Variants in GATA3 observed in about 807,000 individuals in gnomAD.
The protein encoded by GATA3 is GATA binding protein 3.
In GATA3, 6 loss-of-function variants were observed where a neutral mutation model predicts 36.0. The ratio of observed to expected loss-of-function variants is 0.17; its 90% confidence interval spans 0.09 to 0.33. GATA3 has a LOEUF of 0.33. Ranked by LOEUF, GATA3 falls within the 10% of genes least tolerant of loss-of-function variation. GATA3 has a pLI of 1.00. For synonymous variants in GATA3, 326 were observed against 273.0 expected, an observed-to-expected ratio of 1.19 and a Z score of -1.92; for missense variants, 514 against 610.1, an observed-to-expected ratio of 0.84 and a Z score of 1.66.
At chr10:8,067,757 G>A (rs1832868965) in intron 4 of GATA3, among the ~76,000 whole-genome samples, 1 of 152,244 alleles carries the variant, frequency 6.6e-6, no homozygotes, top group Admixed American at 6.5e-5. Flanking sequence ...GGCGGAGCTT[G>A]CAGTGAGCCG....
intron 2 of GATA3, 76 bp from the exon 3 acceptor site, chr10:8,058,229 C>T (rs1832676072): frequency 1.1e-5 from 17 of 1,506,658 alleles, no homozygotes; most frequent in Non-Finnish European, 1.6e-5. Flanking sequence ...TAGAGATTCC[C>T]CAGGTGTCCC....
At chr10:8,064,194 C>G in intron 4 of GATA3, 56 bp downstream of exon 4, 1 of 1,609,328 alleles carries the variant, frequency 6.2e-7, no homozygotes, top group Non-Finnish European at 8.5e-7. Context: ...TTCTCATTTC[C>G]TCTCTTCCGG....
At position 8,055,923 on chromosome 10, in the gene GATA3, C is replaced by G. The variant is rs1316709967; in HGVS notation, c.241+27C>G. On this transcript the variant is annotated intron_variant, in intron 2 of 5. Transcript: ENST00000379328. This position sits in a 1 kb window ranked among gnomAD's most constrained non-coding sequence, Gnocchi z 5.4. The stretch of plus-strand genomic sequence containing the variant: ...TGAGTGCGCCCGGGGTGCCGGGGCT[C>G]CCGCCGGCCGCTTCAGCCGTCCCGG... The G allele has an allele frequency of 1.3e-6, 2 of 1,550,420 alleles. No homozygotes were observed. The highest frequency in any genetic ancestry group is 1.7e-6 in the Non-Finnish European group (2 of 1,146,824).
chr10:8,055,986 G>A lies in GATA3; in HGVS notation c.241+90G>A, dbSNP rs531715414. The A allele has an allele frequency of 6.3e-5, 96 of 1,514,618 alleles. No individual in the cohort carries two copies. Among genetic ancestry groups the A allele is most frequent in the East Asian group, 4.7e-4 (19 of 40,448 alleles). The allele number at this position is 1,514,618 out of a possible 1,614,324, so 93.8% of individuals were successfully genotyped here. A position where few individuals can be genotyped will look rare whatever the true frequency, so the allele number is the denominator to read the frequency against. ...GGGAGGGACCTGAGGGCGGGGAGAGGTCAAGCGAAAGCCCCCATCTGCCGT... is the reference window on the plus strand; with the variant it reads ...GGGAGGGACCTGAGGGCGGGGAGAGATCAAGCGAAAGCCCCCATCTGCCGT... On this transcript the variant is annotated intron_variant, in intron 2 of 5. Coordinates refer to ENST00000379328, the MANE Select transcript of GATA3 (RefSeq NM_001002295.2). The surrounding 1 kb of genome is among the most constrained non-coding windows in gnomAD (Gnocchi z 5.4).
At chr10:8,050,919 C>A (rs769723079), upstream of GATA3, 1 of 463,992 alleles carries the variant, frequency 2.2e-6, no homozygotes, top group Non-Finnish European at 4.4e-6. Context: ...GGGCAGCGCG[C>A]GGGCGCCCGG....
chr10:8,052,305 C>T (rs1832516428), upstream of GATA3: 1 of 152,196 alleles, frequency 6.6e-6, no homozygotes, highest in South Asian at 2.1e-4. Flanking sequence ...CCGGCCAGTC[C>T]GACTTGGTGC....
At chr10:8,070,476 T>A (rs1832913916) in intron 5 of GATA3, among the ~76,000 whole-genome samples, 1 of 152,122 alleles carries the variant, frequency 6.6e-6, no homozygotes, top group African/African-American at 2.4e-5. Flanking sequence ...AAATGGTTAT[T>A]TTGGTCTTTC....
chr10:8,053,122 C>T (rs1832542512), upstream of GATA3: 1 of 152,194 alleles, frequency 6.6e-6, no homozygotes. The surrounding 1 kb of genome is among the most constrained non-coding windows in gnomAD (Gnocchi z 5.1). Context: ...CCCTCACACA[C>T]CAAGGTGAAG....
intron 4 of GATA3, among the ~76,000 whole-genome samples, chr10:8,064,632 T>C (rs927267495): frequency 6.6e-6 from 1 of 152,212 alleles, no homozygotes; most frequent in Non-Finnish European, 1.5e-5. Context: ...TGGATGGATT[T>C]GTTATGCTAA....
chr10:8,057,585 C>G (rs1210411631), intron 2 of GATA3, among the ~76,000 whole-genome samples: 1 of 152,136 alleles, frequency 6.6e-6, no homozygotes, highest in Non-Finnish European at 1.5e-5. Context: ...ATGGCCATCC[C>G]AGGGTCCAGC....
upstream of GATA3, chr10:8,051,312 C>T (rs1465348237): frequency 3.5e-6 from 1 of 286,302 alleles, no homozygotes; most frequent in Non-Finnish European, 7.5e-6. Flanking sequence ...GCTTCCAGGC[C>T]TGGGGTTTCG....
chr10:8,067,697 A>G (rs1832867114), intron 4 of GATA3, among the ~76,000 whole-genome samples: 1 of 139,796 alleles, frequency 7.2e-6, no homozygotes, highest in African/African-American at 2.9e-5. Context: ...GGGCGCCTGT[A>G]GTCCCAGCTA....
At chr10:8,059,494 C>T (rs1432465238) in intron 3 of GATA3, among the ~76,000 whole-genome samples, 2 of 152,176 alleles carry the variant, frequency 1.3e-5, no homozygotes, top group African/African-American at 4.8e-5. Flanking sequence ...TCGCCTGGCC[C>T]AGTTAGTTAC....
intron 3 of GATA3, 111 bp from the exon 4 acceptor site, chr10:8,063,882 G>A (rs539578361): frequency 2.1e-6 from 3 of 1,459,206 alleles, no homozygotes; most frequent in South Asian, 1.2e-5. Flanking sequence ...CAAAAGAGGA[G>A]GGAGAAGGAA....
intron 3 of GATA3, among the ~76,000 whole-genome samples, chr10:8,059,661 C>A (rs1257727566): frequency 3.9e-5 from 6 of 152,204 alleles, no homozygotes; most frequent in Non-Finnish European, 8.8e-5. Flanking sequence ...TTCCAAAATG[C>A]AAACGCTGCC....
chr10:8,062,449 G>A (rs1832765649), intron 3 of GATA3, among the ~76,000 whole-genome samples: 1 of 150,404 alleles, frequency 6.6e-6, no homozygotes, highest in Non-Finnish European at 1.5e-5. Context: ...TCTTCCATTT[G>A]CAAAAGTCTT....
chr10:8,060,225 A>C (rs1832725011), intron 3 of GATA3, among the ~76,000 whole-genome samples: 1 of 152,254 alleles, frequency 6.6e-6, no homozygotes. Context: ...GTTTATCCTG[A>C]GCCAGGAACT....
chr10:8,063,825 C>T (rs1382561606), intron 3 of GATA3, among the ~76,000 whole-genome samples, 168 bp from the exon 4 acceptor site: 1 of 152,184 alleles, frequency 6.6e-6, no homozygotes, highest in Non-Finnish European at 1.5e-5. Context: ...CATTCCCCAG[C>T]TCAACTTTGG....
At chr10:8,059,402 C>A (rs368677137) in intron 3 of GATA3, among the ~76,000 whole-genome samples, 11 of 152,272 alleles carry the variant, frequency 7.2e-5, no homozygotes, top group African/African-American at 1.9e-4. Flanking sequence ...ATATTCTCTG[C>A]GTGGAAAAGG....
Sources: allele counts gnomAD v4.1 joint callset (sites outside exome capture counted in the v4.1 genomes callset), GRCh38; gene constraint gnomAD v4.1.1; non-coding constraint Gnocchi (gnomAD v3.1); transcripts MANE v1.5; gene names NCBI Gene and HGNC (gene_info 2026-07-23, HGNC 2026-07-21).